CBLB: variants seen among roughly 807,000 people sequenced by gnomAD.
The protein encoded by CBLB is Cbl proto-oncogene B.
Under a neutral mutation model 104.9 loss-of-function variants are expected in CBLB, and 31 were observed. The observed-to-expected ratio is 0.30, with a 90% CI of 0.22 to 0.40. The LOEUF (loss-of-function observed/expected upper bound fraction) is 0.40. Among genes scored for constraint, CBLB ranks in the 10% least tolerant of loss-of-function variants. CBLB has a pLI of 1.00. For missense variants in CBLB, 1,062 were observed against 1,214.6 expected, an observed-to-expected ratio of 0.87 and a Z score of 1.87; for synonymous variants, 440 against 422.6, an observed-to-expected ratio of 1.04 and a Z score of -0.51.
chr3:105,694,387 G>GA (rs1042734123), intron 12 of CBLB, among the ~76,000 whole-genome samples: 3 of 151,854 alleles, frequency 2.0e-5, no homozygotes, highest in Admixed American at 1.3e-4. Context: ...ATATTCACAA[G>GA]AAAAAATTGA....
In CBLB at chr3:105,693,557, T is replaced by C; in HGVS notation, c.1991A>G (p.Glu664Gly). The C allele has an allele frequency of 3.1e-6, 5 of 1,612,480 alleles. No individual in the cohort carries two copies. The highest frequency in any genetic ancestry group is 4.2e-6 in the Non-Finnish European group (5 of 1,178,736). The change falls in exon 13 of 19, where the codon GAA (glutamate) becomes GGA (glycine). Residue 664 changes from glutamate to glycine, a missense_variant. Coordinates refer to ENST00000394030, the MANE Select transcript of CBLB (RefSeq NM_170662.5). ...VFSNGHLGSE[E>G]YDVPPRLSPP... ...AGAAAGCCGGGGAGGAACATCATAT[T>C]CTTCACTTCCAAGGTGACCATTGGA...
intron 13 of CBLB, among the ~76,000 whole-genome samples, chr3:105,688,181 T>A (rs1043264015): frequency 6.6e-6 from 1 of 152,054 alleles, no homozygotes; most frequent in Non-Finnish European, 1.5e-5. Context: ...CAAATTGTAT[T>A]TGGCTGACTC....
At chr3:105,760,513 T>C (rs917081938) in intron 4 of CBLB, among the ~76,000 whole-genome samples, 13 of 152,154 alleles carry the variant, frequency 8.5e-5, no homozygotes, top group Middle Eastern at 3.4e-3. Context: ...GAAATCAGAT[T>C]AAATAAAATA....
intron 17 of CBLB, 75 bp from the exon 18 acceptor site, chr3:105,670,427 A>T: frequency 8.2e-7 from 1 of 1,212,454 alleles, no homozygotes; most frequent in Non-Finnish European, 1.2e-6. Context: ...TTCTAGAATT[A>T]TTTTATGAAG....
intron 1 of CBLB, chr3:105,868,024 G>A: frequency 2.1e-6 from 1 of 481,666 alleles, no homozygotes; most frequent in East Asian, 3.2e-5. Flanking sequence ...GCCTTACGCA[G>A]AAACTTCACT....
chr3:105,721,130 C>A (rs1387468347), intron 9 of CBLB, among the ~76,000 whole-genome samples: 1 of 152,140 alleles, frequency 6.6e-6, no homozygotes, highest in East Asian at 1.9e-4. Flanking sequence ...TTGCATTATA[C>A]CCTGACTTTA....
At position 105,678,423 on chromosome 3, in the gene CBLB, C is replaced by T. The variant is rs747635071; in HGVS notation, c.2569+8G>A. 1.8e-5 allele frequency: 29 copies of T among 1,613,572 alleles called. No homozygotes were observed. The highest frequency in any genetic ancestry group is 2.3e-5 in the Non-Finnish European group (27 of 1,179,802). On this transcript the variant is annotated splice_region_variant and intron_variant, in intron 17 of 18. Coordinates refer to ENST00000394030, the MANE Select transcript of CBLB (RefSeq NM_170662.5). ...AGTGAATAGTTTTCTTTGGCTTTTC[C>T]CTCCTACCTGAAGGAAGAAGAAAAA... is the stretch of plus-strand genomic sequence containing the variant.
chr3:105,827,304 A>G (rs1482664500), intron 3 of CBLB, among the ~76,000 whole-genome samples: 1 of 152,196 alleles, frequency 6.6e-6, no homozygotes, highest in African/African-American at 2.4e-5. Flanking sequence ...TTTCTCATTC[A>G]TCATTATGAA....
At chr3:105,759,885 C>T (rs150819183) in intron 4 of CBLB, among the ~76,000 whole-genome samples, 102 of 152,332 alleles carry the variant, frequency 6.7e-4, no homozygotes, top group African/African-American at 2.3e-3. Context: ...CCCACCTGCT[C>T]CATAGAGCAC....
intron 2 of CBLB, among the ~76,000 whole-genome samples, chr3:105,859,662 C>CA (rs33981342): frequency 5.0e-4 from 47 of 94,172 alleles, no homozygotes; most frequent in African/African-American, 1.8e-3. Context: ...GACTCCGTGT[C>CA]AAAAAAAAAA....
intron 4 of CBLB, among the ~76,000 whole-genome samples, chr3:105,773,496 A>G (rs535532883): frequency 1.8e-4 from 27 of 152,306 alleles, no homozygotes; most frequent in South Asian, 2.1e-4. Context: ...CACTTCAATC[A>G]ATCACTTTTC....
chr3:105,849,420 ATTCACTTG>A (rs2090673954), intron 3 of CBLB, among the ~76,000 whole-genome samples: 1 of 152,094 alleles, frequency 6.6e-6, no homozygotes, highest in African/African-American at 2.4e-5. Context: ...AGTGAACAAA[ATTCACTTG>A]GACACTTAAA....
At chr3:105,860,267 C>A (rs538634528) in intron 2 of CBLB, among the ~76,000 whole-genome samples, 1 of 152,260 alleles carries the variant, frequency 6.6e-6, no homozygotes, top group Admixed American at 6.5e-5. Context: ...GGACGAACCT[C>A]TCAGGAAAAT....
intron 3 of CBLB, among the ~76,000 whole-genome samples, chr3:105,833,142 T>C (rs540927490): frequency 1.3e-5 from 2 of 152,318 alleles, no homozygotes; most frequent in African/African-American, 2.4e-5. Flanking sequence ...TGAAGAAATA[T>C]GAATGATAAA....
chr3:105,695,291 T>C (rs1300968425), intron 12 of CBLB, among the ~76,000 whole-genome samples: 1 of 151,876 alleles, frequency 6.6e-6, no homozygotes, highest in East Asian at 1.9e-4. Flanking sequence ...GTATTGGCTC[T>C]AATTTAACAA....
In CBLB at chr3:105,737,250, T is replaced by A. The variant is rs867528083; in HGVS notation, c.992A>T (p.Tyr331Phe). The A allele has an allele frequency of 6.5e-7, 1 of 1,534,694 alleles. No homozygotes were observed. The highest frequency in any genetic ancestry group is 1.4e-5 in the African/African-American group (1 of 73,382). ...IDGSREGFYL[Y>F]PDGRSYNPDL... is the part of the protein sequence containing the mutation. ...AGGATTATAACTCCTCCCATCAGGA[T>A]AAAGATAACTGAATTTAAACAGAAA... Residue 331 changes from tyrosine to phenylalanine, a missense_variant, in exon 8 of 19, where the codon TAT (tyrosine) becomes TTT (phenylalanine). Tyr to Phe is a conservative substitution (Grantham distance 22, BLOSUM62 3). Around this residue, in one of 2 missense-constraint regions of CBLB, gnomAD observed 457 missense variants for 632.0 expected, o/e 0.72. Transcript: ENST00000394030.
At chr3:105,839,742 A>G (rs1274425758) in intron 3 of CBLB, among the ~76,000 whole-genome samples, 1 of 152,276 alleles carries the variant, frequency 6.6e-6, no homozygotes, top group Non-Finnish European at 1.5e-5. Context: ...AGGAAATACA[A>G]CCTGGATTAG....
chr3:105,665,669 A>C (rs2064361102), intron 18 of CBLB, among the ~76,000 whole-genome samples: 4 of 148,170 alleles, frequency 2.7e-5, no homozygotes, highest in Non-Finnish European at 6.0e-5. Flanking sequence ...AATAACATGA[A>C]TATTTATATT....
chr3:105,711,960 T>C lies in CBLB; in HGVS notation c.1408-7787A>G, dbSNP rs2071173672. Reference sequence around the variant, plus strand: ...AAACACCAAATGGAATAAGAGCTGATTTCTCTTTGAGGTCTGGCAGAGAAG... The same window carrying C: ...AAACACCAAATGGAATAAGAGCTGACTTCTCTTTGAGGTCTGGCAGAGAAG... On this transcript the variant is annotated intron_variant, in intron 10 of 18. Coordinates refer to ENST00000394030, the MANE Select transcript of CBLB (RefSeq NM_170662.5). 2.6e-5 allele frequency among the ~76,000 whole-genome samples: 4 copies of C among 152,130 alleles called. No homozygotes were observed. The South Asian group carries it at 8.3e-4, about 32-fold the overall frequency.
Sources: gnomAD v4.1 joint callset for allele counts (sites outside exome capture counted in the v4.1 genomes callset) on GRCh38, gnomAD v4.1.1 for gene constraint, gnomAD v4.1.1 regional missense constraint, MANE v1.5 for transcripts, NCBI Gene and HGNC (gene_info 2026-07-23, HGNC 2026-07-21) for gene names.